LRRK1: variants seen among roughly 807,000 people sequenced by gnomAD.
LRRK1 encodes the protein leucine-rich repeat serine/threonine-protein kinase 1.
In LRRK1, 113 loss-of-function variants were observed where a neutral mutation model predicts 209.1. That is an observed-to-expected ratio of 0.54 (90% CI 0.46 to 0.63). The LOEUF (loss-of-function observed/expected upper bound fraction) is 0.63, where lower values mean the gene tolerates loss of function less well. Among genes scored for constraint, LRRK1 ranks in the 30% least tolerant of loss-of-function variants. LRRK1 has a pLI of 0.00. For missense variants in LRRK1, 2,284 were observed against 2,632.2 expected (o/e 0.87, Z 2.89); for synonymous variants, 1,144 against 1,099.7 (o/e 1.04, Z -0.80).
At chr15:100,988,576 T>C (rs1460880056) in intron 4 of LRRK1, 58 bp from the exon 5 acceptor site, 6 of 1,541,286 alleles carry the variant, frequency 3.9e-6, no homozygotes, top group Non-Finnish European at 5.4e-6. Flanking sequence ...AAGAGCAGAG[T>C]GGGAACAAAC....
rs2033954489 is a variant in LRRK1, at chr15:101,024,939, A to G, written c.2204A>G (p.Asn735Ser). ...NLALGEEAVANLQFWLLNIEA... is the reference protein window; with the variant it reads ...NLALGEEAVASLQFWLLNIEA... ...GCGCTGGGGGAGGAGGCCGTGGCCA[A>G]CCTCCAGTTCTGGCTGCTCAACATC... The change falls in exon 16 of 34, where the codon AAC (asparagine) becomes AGC (serine). Residue 735 changes from asparagine to serine, a missense_variant. Asn to Ser is a conservative substitution (Grantham distance 46). Around this residue, in one of 6 missense-constraint regions of LRRK1, gnomAD observed 780 missense variants for 985.2 expected, o/e 0.79. Coordinates refer to ENST00000388948, the MANE Select transcript of LRRK1 (RefSeq NM_024652.6). This position sits in a 1 kb window ranked among gnomAD's most constrained non-coding sequence, Gnocchi z 4.6. 6.2e-7 allele frequency: 1 copy of G among 1,613,810 alleles called. No homozygotes were observed. Among genetic ancestry groups the G allele is most frequent in the Non-Finnish European group, 8.5e-7 (1 of 1,179,958 alleles).
intron 2 of LRRK1, among the ~76,000 whole-genome samples, chr15:100,938,403 C>T (rs975022892): frequency 6.6e-6 from 1 of 152,054 alleles, no homozygotes; most frequent in African/African-American, 2.4e-5. Flanking sequence ...GCATATCTAT[C>T]ACCGCAAACA....
chr15:100,926,680 C>CTTTT (rs71151990), intron 2 of LRRK1, among the ~76,000 whole-genome samples: 13 of 81,828 alleles, frequency 1.6e-4, no homozygotes, highest in South Asian at 4.6e-4. Flanking sequence ...TTCTTTTTTT[C>CTTTT]TTTTTTTTTT....
chr15:101,034,721 T>C (rs1451213701), intron 20 of LRRK1, among the ~76,000 whole-genome samples: 1 of 152,170 alleles, frequency 6.6e-6, no homozygotes, highest in Non-Finnish European at 1.5e-5. Context: ...TGCTCAGGAT[T>C]GCTTTAGCTA....
At chr15:100,994,032 C>T (rs868846999) in intron 6 of LRRK1, among the ~76,000 whole-genome samples, 11 of 152,230 alleles carry the variant, frequency 7.2e-5, no homozygotes, top group Middle Eastern at 6.8e-3. Flanking sequence ...TGCTATTAGC[C>T]GCACATCACC....
At chr15:100,922,501 A>G (rs1237489761) in intron 1 of LRRK1, among the ~76,000 whole-genome samples, 1 of 152,148 alleles carries the variant, frequency 6.6e-6, no homozygotes, top group Non-Finnish European at 1.5e-5. Flanking sequence ...TTCAGGAAGA[A>G]TGTCTAGCGT....
chr15:100,994,345 C>A (rs565630528), intron 6 of LRRK1, among the ~76,000 whole-genome samples: 1 of 152,210 alleles, frequency 6.6e-6, no homozygotes, highest in African/African-American at 2.4e-5. Flanking sequence ...AATCCTGATG[C>A]TCAGACCACA....
intron 33 of LRRK1, chr15:101,067,414 A>C: frequency 2.5e-6 from 1 of 401,448 alleles, no homozygotes; most frequent in South Asian, 1.8e-5. Flanking sequence ...AAAAGTCCTC[A>C]GTTCAAATGT....
intron 10 of LRRK1, among the ~76,000 whole-genome samples, chr15:101,013,251 T>A (rs2033364771): frequency 6.6e-6 from 1 of 152,092 alleles, no homozygotes; most frequent in Admixed American, 6.5e-5. Context: ...GCGGTTCTGA[T>A]GGTGGGCGGT....
In LRRK1 at chr15:100,928,011, G is replaced by A. The variant is rs75589757; in HGVS notation, c.97+3282G>A. On this transcript the variant is annotated intron_variant, in intron 2 of 33. Coordinates refer to ENST00000388948, the MANE Select transcript of LRRK1 (RefSeq NM_024652.6). ...GAGCAGGTAATGCTCAAAGGGTGGC[G>A]TGTGGCCACGTCTGTGTGCTGGGAT... Among the ~76,000 whole-genome samples the A allele has an allele frequency of 6.4e-4, 97 of 152,360 alleles. 1 individual carries two copies. The highest frequency in any genetic ancestry group is 1.6e-3 in the African/African-American group (67 of 41,586).
At chr15:100,974,529 T>C (rs2031180137) in intron 3 of LRRK1, among the ~76,000 whole-genome samples, 1 of 152,224 alleles carries the variant, frequency 6.6e-6, no homozygotes, top group Non-Finnish European at 1.5e-5. Flanking sequence ...TTTAAGAATT[T>C]TCCAGATGAT....
intron 2 of LRRK1, among the ~76,000 whole-genome samples, chr15:100,948,068 C>A (rs190602780): frequency 1.3e-5 from 2 of 152,372 alleles, no homozygotes; most frequent in East Asian, 3.9e-4. Context: ...CTTTGCCCAG[C>A]TCTTCCCAAA....
chr15:100,940,445 T>G (rs1040790443), intron 2 of LRRK1, among the ~76,000 whole-genome samples: 1 of 152,216 alleles, frequency 6.6e-6, no homozygotes, highest in African/African-American at 2.4e-5. Context: ...TCTCACTCTT[T>G]TATCTCTGCT....
intron 2 of LRRK1, among the ~76,000 whole-genome samples, chr15:100,959,417 G>C (rs1421977901): frequency 6.6e-6 from 1 of 152,222 alleles, no homozygotes. Context: ...GGCGGAGAAA[G>C]GAGAGGCAGC....
intron 31 of LRRK1, among the ~76,000 whole-genome samples, chr15:101,064,144 G>A (rs569538427): frequency 6.6e-6 from 1 of 152,280 alleles, no homozygotes; most frequent in Non-Finnish European, 1.5e-5. Flanking sequence ...CCTGAGCCAG[G>A]ACTGCAGATA....
chr15:101,068,183 G>T (rs529169519), intron 33 of LRRK1, among the ~76,000 whole-genome samples: 52 of 152,340 alleles, frequency 3.4e-4, no homozygotes, highest in African/African-American at 1.3e-3. Context: ...AATGTATATA[G>T]TGATGACTTT....
chr15:100,970,773 G>A (rs1047970207), intron 2 of LRRK1, among the ~76,000 whole-genome samples: 1 of 152,184 alleles, frequency 6.6e-6, no homozygotes, highest in Non-Finnish European at 1.5e-5. Flanking sequence ...AAATCAAAGA[G>A]AATTAACATC....
chr15:101,053,739 C>T lies in LRRK1; in HGVS notation c.4054+319C>T, dbSNP rs1248062911. Reference sequence around the variant, plus strand: ...GGCCTCGCTGGGAGGGCACCGAGCACGGGAGCTGCATTGAATCACTTTCCC... The same window carrying T: ...GGCCTCGCTGGGAGGGCACCGAGCATGGGAGCTGCATTGAATCACTTTCCC... On this transcript the variant is annotated intron_variant, in intron 26 of 33. Transcript: ENST00000388948. 3.9e-5 allele frequency among the ~76,000 whole-genome samples: 6 copies of T among 152,196 alleles called. No homozygotes were observed. The South Asian group carries it at 8.3e-4, about 21-fold the overall frequency.
In LRRK1 at chr15:101,073,893, T is replaced by A. The variant is rs965497584; in HGVS notation, c.*5045T>A. ...ACTCACACCTGACCTAAAACCTAAA[T>A]GCCTTATTTTCTTCTGCAATGCCGC... On this transcript the variant is annotated 3_prime_UTR_variant, in exon 34 of 34. Transcript: ENST00000388948. The A allele has an allele frequency of 6.6e-6, 1 of 152,114 alleles. No individual in the cohort carries two copies. Among genetic ancestry groups the A allele is most frequent in the African/African-American group, 2.4e-5 (1 of 41,416 alleles). 9.4% of individuals were successfully genotyped at this position (152,114 alleles called of 1,614,324 possible).
Sources: allele counts gnomAD v4.1 joint callset (sites outside exome capture counted in the v4.1 genomes callset), GRCh38; gene constraint gnomAD v4.1.1; regional missense constraint gnomAD v4.1.1; non-coding constraint Gnocchi (gnomAD v3.1); transcripts MANE v1.5; gene names NCBI Gene and HGNC (gene_info 2026-07-23, HGNC 2026-07-21).